The following ZFYVE21 variants were observed in gnomAD, a reference collection of about 807,000 sequenced individuals.
ZFYVE21 encodes zinc finger FYVE domain-containing protein 21.
ZFYVE21 carries 21 observed loss-of-function variants against 29.5 expected under a neutral mutation model. That is an observed-to-expected ratio of 0.71 (90% CI 0.50 to 1.02). The LOEUF is 1.02. Ranked by LOEUF, ZFYVE21 falls within the 50% of genes least tolerant of loss-of-function variation. The pLI is 0.00. For missense variants in ZFYVE21, 326 were observed against 335.4 expected, an observed-to-expected ratio of 0.97 and a Z score of 0.22; for synonymous variants, 151 against 133.8, an observed-to-expected ratio of 1.13 and a Z score of -0.89.
chr14:103,723,929 G>C (rs1041716087), intron 1 of ZFYVE21, among the ~76,000 whole-genome samples: 1 of 152,198 alleles, frequency 6.6e-6, no homozygotes, highest in Admixed American at 6.5e-5. Context: ...CACGCTGAGG[G>C]TGGCGGGGAC....
chr14:103,725,262 C>G (rs1365700883), intron 1 of ZFYVE21: 2 of 152,406 alleles, frequency 1.3e-5, no homozygotes, highest in Non-Finnish European at 2.9e-5. Flanking sequence ...AGTTCCGTGC[C>G]TTTGGTGCTG....
At position 103,723,424 on chromosome 14, in the gene ZFYVE21, C is replaced by G. The variant is rs1258415535; in HGVS notation, c.139-3368C>G. The stretch of plus-strand genomic sequence containing the variant: ...GCCCCTGGCAGAGCTGCCAGCTGGA[C>G]TTTTTAGATGCTTCCAGAAGGCTGG... On this transcript the variant is annotated intron_variant, in intron 1 of 6. Transcript: ENST00000311141. Among the ~76,000 whole-genome samples the G allele has an allele frequency of 2.0e-5, 3 of 152,192 alleles. No homozygotes were observed. The East Asian group carries it at 5.8e-4, about 29-fold the overall frequency.
intron 3 of ZFYVE21, chr14:103,728,200 T>G: frequency 5.9e-6 from 2 of 339,864 alleles, no homozygotes; most frequent in Non-Finnish European, 5.4e-6. Flanking sequence ...TTCCCCCGGG[T>G]GGAACCCGGC....
Position 103,716,012 on chromosome 14 carries a change from A to ACCCGC in ZFYVE21, c.138+40_138+44dup. On this transcript the variant is annotated intron_variant, in intron 1 of 6. Coordinates refer to ENST00000311141, the MANE Select transcript of ZFYVE21 (RefSeq NM_024071.4). The surrounding 1 kb of genome is among the most constrained non-coding windows in gnomAD (Gnocchi z 4.8). ...GCCGTCGCCCCGGCCAGCGCCTCCG[A>ACCCGC]CCCGCCCCGCCGCCCCGGCCCGGCC... The ACCCGC allele has an allele frequency of 2.5e-6, 3 of 1,197,138 alleles. No homozygotes were observed. Among genetic ancestry groups the ACCCGC allele is most frequent in the Non-Finnish European group, 3.1e-6 (3 of 961,954 alleles). The allele number at this position is 1,197,138 out of a possible 1,614,324, so 74.2% of individuals were successfully genotyped here. A position where few individuals can be genotyped will look rare whatever the true frequency, so the allele number is the denominator to read the frequency against.
chr14:103,732,892 C>T (rs2083998609), intron 6 of ZFYVE21, 91 bp from the exon 7 acceptor site: 1 of 1,604,656 alleles, frequency 6.2e-7, no homozygotes, highest in African/African-American at 1.3e-5. Flanking sequence ...CTGGGGTGCC[C>T]ACGCCATCTC....
At chr14:103,717,581 G>A (rs1467276880) in intron 1 of ZFYVE21, among the ~76,000 whole-genome samples, 2 of 152,170 alleles carry the variant, frequency 1.3e-5, no homozygotes, top group Non-Finnish European at 2.9e-5. Flanking sequence ...CTTTCTTTGT[G>A]GCCTCTGCTG....
rs983516828 is a variant in ZFYVE21 at position 103,733,204 on chromosome 14, G to A, written c.*186G>A. 5 of 683,666 alleles carry A rather than the reference G, an allele frequency of 7.3e-6. No individual in the cohort carries two copies. Among genetic ancestry groups the A allele is most frequent in the African/African-American group, 1.8e-5 (1 of 55,318 alleles). The allele number at this position is 683,666 out of a possible 1,614,324, so 42.3% of individuals were successfully genotyped here. On this transcript the variant is annotated 3_prime_UTR_variant, in exon 7 of 7. Coordinates refer to ENST00000311141, the MANE Select transcript of ZFYVE21 (RefSeq NM_024071.4). ...TGCAATATGTTCACAGTTTATTAAT[G>A]CTTTAAACAGCTTCATGTTTTAGAA...
chr14:103,721,881 T>C (rs2083875404), intron 1 of ZFYVE21, among the ~76,000 whole-genome samples: 1 of 152,266 alleles, frequency 6.6e-6, no homozygotes, highest in South Asian at 2.1e-4. Context: ...CCCACGCTGG[T>C]GGTGACACAT....
intron 1 of ZFYVE21, chr14:103,726,534 A>T: frequency 4.2e-6 from 2 of 478,248 alleles, no homozygotes; most frequent in South Asian, 5.2e-5. Flanking sequence ...GTCAAACCCC[A>T]AGCCCACCTC....
intron 6 of ZFYVE21, 62 bp downstream of exon 6, chr14:103,732,824 A>G: frequency 6.2e-7 from 1 of 1,600,608 alleles, no homozygotes; most frequent in Admixed American, 1.7e-5. Flanking sequence ...TGCCTTTCCC[A>G]GAGGAAGCTC....
At chr14:103,723,679 G>C (rs1335579156) in intron 1 of ZFYVE21, among the ~76,000 whole-genome samples, 1 of 152,188 alleles carries the variant, frequency 6.6e-6, no homozygotes, top group East Asian at 1.9e-4. Flanking sequence ...CGGGACCTCT[G>C]TCCTCCTACA....
chr14:103,717,690 C>T (rs1304870836), intron 1 of ZFYVE21, among the ~76,000 whole-genome samples: 1 of 152,246 alleles, frequency 6.6e-6, no homozygotes, highest in South Asian at 2.1e-4. Flanking sequence ...TTCATTCCCA[C>T]GCTGGCGTGG....
Position 103,728,914 on chromosome 14 carries a change from C to T in ZFYVE21, c.365C>T (p.Thr122Ile), listed in dbSNP as rs773256889. ...KQLKVLLSGATFLVTFGNSEK... is the reference protein window; with the variant it reads ...KQLKVLLSGAIFLVTFGNSEK... ...TTGCTTTTGTGTTCCCAAGGAGCCA[C>T]CTTCCTCGTCACGTTTGGAAACTCA... Residue 122 changes from threonine (T) to isoleucine (I), a missense_variant, in exon 4 of 7, where the codon ACC becomes ATC. Coordinates refer to ENST00000311141, the MANE Select transcript of ZFYVE21 (RefSeq NM_024071.4). 6.2e-7 allele frequency: 1 copy of T among 1,614,090 alleles called. No homozygotes were observed. Among genetic ancestry groups the T allele is most frequent in the Non-Finnish European group, 8.5e-7 (1 of 1,180,032 alleles).
Position 103,716,455 on chromosome 14 carries a change from C to T in ZFYVE21, c.138+476C>T, listed in dbSNP as rs1051354875. On this transcript the variant is annotated intron_variant, in intron 1 of 6. Coordinates refer to ENST00000311141, the MANE Select transcript of ZFYVE21 (RefSeq NM_024071.4). The surrounding 1 kb of genome is among the most constrained non-coding windows in gnomAD (Gnocchi z 4.8). The stretch of plus-strand genomic sequence containing the variant: ...TGGAGCTGGCGGCCCCGCAGGGGTC[C>T]CTCCCGGGAACCGGGGGAGGCGTCG... Among the ~76,000 whole-genome samples, 5 of 152,174 alleles carry T rather than the reference C, an allele frequency of 3.3e-5. No homozygotes were observed. The highest frequency in any genetic ancestry group is 1.2e-4 in the African/African-American group (5 of 41,460).
rs1292210148 is a variant in ZFYVE21, at chr14:103,732,965, A to G, written c.670-18A>G. The stretch of plus-strand genomic sequence containing the variant: ...GGACCAAGCAGGCCTCACTGTGTTG[A>G]TCTTGTCTGATCTGCAGGCTGCCAA... On this transcript the variant is annotated intron_variant, in intron 6 of 6. Coordinates refer to ENST00000311141, the MANE Select transcript of ZFYVE21 (RefSeq NM_024071.4). The G allele has an allele frequency of 2.5e-6, 4 of 1,614,044 alleles. No homozygotes were observed. The Admixed American group carries it at 6.7e-5, about 27-fold the overall frequency.
At position 103,715,910 on chromosome 14, in the gene ZFYVE21, G is replaced by T; in HGVS notation, c.69G>T (p.Met23Ile). ...KLVRSPSGLRMVPEHRAFGSP... is the reference protein window; with the variant it reads ...KLVRSPSGLRIVPEHRAFGSP... ...TGCGCTCCCCGAGCGGCCTGCGCAT[G>T]GTGCCCGAACACCGCGCCTTCGGAA... is the stretch of plus-strand genomic sequence containing the variant. Residue 23 changes from methionine (M) to isoleucine (I), a missense_variant, in exon 1 of 7, where the codon ATG (methionine) becomes ATT (isoleucine). Transcript: ENST00000311141. The T allele has an allele frequency of 6.9e-7, 1 of 1,440,500 alleles. No homozygotes were observed. 89.2% of individuals were successfully genotyped at this position (1,440,500 alleles called of 1,614,324 possible).
intron 5 of ZFYVE21, chr14:103,732,228 C>T (rs555182753): frequency 3.6e-4 from 55 of 151,940 alleles, no homozygotes; most frequent in African/African-American, 1.5e-3. Context: ...TTCCCCCAGC[C>T]CTGGGTGCAG....
rs535652940 is a variant in ZFYVE21 at position 103,721,319 on chromosome 14, C to T, written c.138+5340C>T. 2.1e-4 allele frequency among the ~76,000 whole-genome samples: 32 copies of T among 152,332 alleles called. 1 individual carries two copies. The highest frequency in any genetic ancestry group is 1.2e-3 in the East Asian group (6 of 5,182). On this transcript the variant is annotated intron_variant, in intron 1 of 6. Transcript: ENST00000311141. ...GTAGGCAGCCAGGAGAAGTGTGTTC[C>T]GAAATTTCACTGGGAGCCGTCTGCA...
chr14:103,729,938 C>T (rs1228774801), intron 5 of ZFYVE21: 2 of 1,401,464 alleles, frequency 1.4e-6, no homozygotes, highest in Non-Finnish European at 1.9e-6. Flanking sequence ...GTGGTCCATG[C>T]CAAGGTTCTT....
Sources: allele counts gnomAD v4.1 joint callset (sites outside exome capture counted in the v4.1 genomes callset), GRCh38; gene constraint gnomAD v4.1.1; non-coding constraint Gnocchi (gnomAD v3.1); transcripts MANE v1.5; gene names NCBI Gene and HGNC (gene_info 2026-07-23, HGNC 2026-07-21).